The following PPARGC1A variants were observed in gnomAD, a reference collection of about 807,000 sequenced individuals.
PPARGC1A encodes the protein PPARG coactivator 1 alpha.
A neutral mutation model predicts 88.7 loss-of-function variants in PPARGC1A; 25 were observed. The ratio of observed to expected loss-of-function variants is 0.28; its 90% CI spans 0.21 to 0.39. PPARGC1A has a LOEUF of 0.39. PPARGC1A is among the 10% of genes least tolerant of loss of function. The pLI is 1.00. For synonymous variants in PPARGC1A, 363 were observed against 355.6 expected, an observed-to-expected ratio of 1.02 and a Z score of -0.24; for missense variants, 880 against 968.7, an observed-to-expected ratio of 0.91 and a Z score of 1.22.
intron 2 of PPARGC1A, chr4:23,880,713 CA>C (rs149637323): frequency 0.034 from 5,142 of 152,208 alleles, 147 homozygotes; most frequent in African/African-American, 0.074. Flanking sequence ...CACACAAATA[CA>C]AAACCACCAC....
chr4:24,258,866 T>C, the PPARGC1A span, among the ~76,000 whole-genome samples: 1 of 152,192 alleles, frequency 6.6e-6, no homozygotes, highest in Admixed American at 6.5e-5. Flanking sequence ...ATTCATGCAT[T>C]GAAAAAATAA....
At chr4:23,848,273 A>G (rs996456734) in intron 2 of PPARGC1A, among the ~76,000 whole-genome samples, 4 of 152,290 alleles carry the variant, frequency 2.6e-5, no homozygotes, top group Admixed American at 6.5e-5. Flanking sequence ...ACTTAAATTT[A>G]TTTCTTCCTC....
the PPARGC1A span, among the ~76,000 whole-genome samples, chr4:24,324,651 G>C: frequency 3.3e-5 from 5 of 152,144 alleles, no homozygotes; most frequent in Non-Finnish European, 7.3e-5. Context: ...CCGGAAAATG[G>C]CACTTTCAAT....
chr4:23,868,081 G>A (rs748388027), intron 2 of PPARGC1A, among the ~76,000 whole-genome samples: 2 of 152,038 alleles, frequency 1.3e-5, no homozygotes, highest in African/African-American at 2.4e-5. Context: ...CTGGAACCCC[G>A]GTAAGGTACC....
chr4:23,838,377 CCTCA>C (rs1330511071), intron 2 of PPARGC1A, among the ~76,000 whole-genome samples: 1 of 152,122 alleles, frequency 6.6e-6, no homozygotes, highest in Non-Finnish European at 1.5e-5. Context: ...CTAGCTCCTA[CCTCA>C]CTCAAAGGAG....
At chr4:24,096,854 T>A in the PPARGC1A span, among the ~76,000 whole-genome samples, 1 of 152,144 alleles carries the variant, frequency 6.6e-6, no homozygotes, top group African/African-American at 2.4e-5. Flanking sequence ...TATGAAAAAG[T>A]TATATATATA....
At chr4:23,930,933 C>T in the PPARGC1A span, among the ~76,000 whole-genome samples, 451 of 152,360 alleles carry the variant, frequency 3.0e-3, 2 homozygotes, top group African/African-American at 0.01. Context: ...GGCTTGGCTA[C>T]TGCCCTTCAG....
the PPARGC1A span, among the ~76,000 whole-genome samples, chr4:24,095,419 C>T: frequency 7.9e-5 from 12 of 152,156 alleles, no homozygotes; most frequent in East Asian, 7.7e-4. Context: ...CCACCACACC[C>T]GGCCAGAGAT....
chr4:24,208,854 CTATAAT>C, the PPARGC1A span, among the ~76,000 whole-genome samples: 32 of 152,130 alleles, frequency 2.1e-4, no homozygotes, highest in Non-Finnish European at 1.2e-4. Context: ...TATTGCAACT[CTATAAT>C]GAGAGTGTTT....
chr4:24,216,967 AT>A, the PPARGC1A span, among the ~76,000 whole-genome samples: 1 of 152,228 alleles, frequency 6.6e-6, no homozygotes, highest in African/African-American at 2.4e-5. Context: ...GAGATAACAC[AT>A]TCAAAGCACC....
At chr4:24,151,054 A>G in the PPARGC1A span, among the ~76,000 whole-genome samples, 2 of 152,344 alleles carry the variant, frequency 1.3e-5, no homozygotes, top group African/African-American at 4.8e-5. Context: ...AGTTTCTGCT[A>G]TAATCCCACC....
chr4:24,211,685 T>C, the PPARGC1A span, among the ~76,000 whole-genome samples: 3,134 of 152,260 alleles, frequency 0.021, 120 homozygotes, highest in African/African-American at 0.072. Flanking sequence ...CGTAGGTCCC[T>C]TGGGCAAGTT....
chr4:23,872,119 G>A (rs771920858), intron 2 of PPARGC1A, among the ~76,000 whole-genome samples: 13 of 152,140 alleles, frequency 8.5e-5, no homozygotes, highest in African/African-American at 2.4e-4. Context: ...GGCAAAAAGC[G>A]TGTCAGTCCT....
the PPARGC1A span, among the ~76,000 whole-genome samples, chr4:23,950,375 A>AAT: frequency 2.0e-5 from 3 of 152,034 alleles, no homozygotes; most frequent in African/African-American, 7.2e-5. Flanking sequence ...AAGGTACATC[A>AAT]TTTGCCCAAT....
chr4:24,353,060 A>T, the PPARGC1A span, among the ~76,000 whole-genome samples: 8 of 152,200 alleles, frequency 5.3e-5, no homozygotes, highest in Non-Finnish European at 1.0e-4. Context: ...TGGCGGGTGG[A>T]GGATCCTGGG....
At chr4:23,929,485 G>A in the PPARGC1A span, among the ~76,000 whole-genome samples, 3 of 152,208 alleles carry the variant, frequency 2.0e-5, no homozygotes, top group African/African-American at 7.2e-5. Context: ...AATAAAAGGA[G>A]TAAGGCTAGT....
At chr4:24,046,462 A>G in the PPARGC1A span, among the ~76,000 whole-genome samples, 1 of 152,140 alleles carries the variant, frequency 6.6e-6, no homozygotes, top group African/African-American at 2.4e-5. Context: ...TCTTTGTATC[A>G]TAAATGAGTC....
rs559279868 is a variant in PPARGC1A, at chr4:23,825,352, A to T, written c.758-844T>A. 4 of 152,228 alleles carry T rather than the reference A, an allele frequency of 2.6e-5. No homozygotes were observed. In the East Asian group the frequency reaches 7.7e-4, roughly 29 times the overall value. 9.4% of individuals were successfully genotyped at this position (152,228 alleles called of 1,614,324 possible). A position where few individuals can be genotyped will look rare whatever the true frequency, so the allele number is the denominator to read the frequency against. On this transcript the variant is annotated intron_variant, in intron 5 of 12. Coordinates refer to ENST00000264867, the MANE Select transcript of PPARGC1A (RefSeq NM_013261.5). Reference sequence around the variant, plus strand: ...TATGCTTATCTATAAGCATATGTTTATGTGTATGTAGGTTTATGTCAATTT... The same window carrying T: ...TATGCTTATCTATAAGCATATGTTTTTGTGTATGTAGGTTTATGTCAATTT...
At chr4:24,082,907 T>C in the PPARGC1A span, among the ~76,000 whole-genome samples, 13 of 152,206 alleles carry the variant, frequency 8.5e-5, no homozygotes, top group East Asian at 1.2e-3. Context: ...ACAGAGAGAA[T>C]TGATTTCTTA....
Sources: gnomAD v4.1 joint callset for allele counts (sites outside exome capture counted in the v4.1 genomes callset) on GRCh38, gnomAD v4.1.1 for gene constraint, MANE v1.5 for transcripts, NCBI Gene and HGNC (gene_info 2026-07-23, HGNC 2026-07-21) for gene names.